Variants in ATRNL1 observed in about 807,000 individuals in gnomAD.
ATRNL1 encodes attractin-like protein 1.
A neutral mutation model predicts 182.7 loss-of-function variants in ATRNL1; 95 were observed. The observed-to-expected ratio is 0.52, with a 90% CI of 0.44 to 0.62. The LOEUF (loss-of-function observed/expected upper bound fraction) is 0.62, where lower values mean the gene tolerates loss of function less well. Among genes scored for constraint, ATRNL1 ranks in the 20% least tolerant of loss-of-function variants. ATRNL1 has a pLI of 0.00. For missense variants in ATRNL1, 1,471 were observed against 1,679.5 expected, an observed-to-expected ratio of 0.88 and a Z score of 2.17; for synonymous variants, 576 against 568.3, an observed-to-expected ratio of 1.01 and a Z score of -0.19.
chr10:115,889,039 T>G (rs1281875959), intron 28 of ATRNL1, among the ~76,000 whole-genome samples: 2 of 152,184 alleles, frequency 1.3e-5, no homozygotes, highest in Non-Finnish European at 2.9e-5. Flanking sequence ...TGTAGTAAAC[T>G]CTTGAAAGAG....
chr10:115,275,334 TG>T (rs1852056874), intron 13 of ATRNL1, among the ~76,000 whole-genome samples: 1 of 152,216 alleles, frequency 6.6e-6, no homozygotes, highest in Non-Finnish European at 1.5e-5. Context: ...AGTGATGTTT[TG>T]GGTCTCCTGG....
Position 115,946,717 on chromosome 10 carries a change from T to G in ATRNL1, c.*1938T>G, listed in dbSNP as rs1329461916. The G allele has an allele frequency of 6.6e-6, 1 of 152,162 alleles. No homozygotes were observed. The highest frequency in any genetic ancestry group is 2.4e-5 in the African/African-American group (1 of 41,450). The allele number at this position is 152,162 out of a possible 1,614,324, so 9.4% of individuals were successfully genotyped here. ...CCTAAAAACAATCAAGTAATTTTATTAGCTTCTTTTGGACCCTCTAAATAT... is the reference window on the plus strand; with the variant it reads ...CCTAAAAACAATCAAGTAATTTTATGAGCTTCTTTTGGACCCTCTAAATAT... On this transcript the variant is annotated 3_prime_UTR_variant, in exon 29 of 29. Coordinates refer to ENST00000355044, the MANE Select transcript of ATRNL1 (RefSeq NM_207303.4).
intron 19 of ATRNL1, among the ~76,000 whole-genome samples, chr10:115,383,356 T>C (rs570778507): frequency 4.2e-4 from 64 of 152,072 alleles, no homozygotes; most frequent in Non-Finnish European, 8.1e-4. Context: ...AAATGATAAT[T>C]ATGACCGGGT....
At chr10:115,409,935 G>A (rs782705045) in intron 20 of ATRNL1, among the ~76,000 whole-genome samples, 2 of 152,094 alleles carry the variant, frequency 1.3e-5, no homozygotes, top group Non-Finnish European at 2.9e-5. Context: ...TTATCATGGA[G>A]AGATGTTGAA....
chr10:115,345,160 G>A (rs1253567478), intron 19 of ATRNL1, among the ~76,000 whole-genome samples: 1 of 152,224 alleles, frequency 6.6e-6, no homozygotes, highest in African/African-American at 2.4e-5. Context: ...GCCCAGTTCA[G>A]CACTAGGACT....
chr10:115,121,664 T>A, intron 2 of ATRNL1, 35 bp from the exon 3 acceptor site: 1 of 988,700 alleles, frequency 1.0e-6, no homozygotes, highest in Non-Finnish European at 1.5e-6. Context: ...GCTTTGTATA[T>A]TTTAATTTGA....
intron 27 of ATRNL1, among the ~76,000 whole-genome samples, chr10:115,748,261 G>T (rs1948349744): frequency 6.6e-6 from 1 of 151,634 alleles, no homozygotes; most frequent in South Asian, 2.1e-4. Context: ...AAGCTTCCAG[G>T]CTGTTTTATA....
At chr10:115,169,209 T>C (rs1444749035) in intron 7 of ATRNL1, among the ~76,000 whole-genome samples, 14 of 147,878 alleles carry the variant, frequency 9.5e-5, no homozygotes, top group African/African-American at 3.4e-4. Context: ...TTGATTACTT[T>C]TTTTTTTTTT....
chr10:115,177,349 T>C (rs1424494643), intron 8 of ATRNL1, among the ~76,000 whole-genome samples: 1 of 152,126 alleles, frequency 6.6e-6, no homozygotes, highest in African/African-American at 2.4e-5. Flanking sequence ...TTCAAGGAAA[T>C]GTGTTTGAAA....
rs67676674 is a variant in ATRNL1, at chr10:115,868,822, C to CTTTTTTTTTTTTTTTTTTTT, written c.4018+20837_4018+20856dup. ...ATATATCTGGTGGCAAGTCTTTATT[C>CTTTTTTTTTTTTTTTTTTTT]TTTTTTTTTTTTTTTTTTTTTTTTT... On this transcript the variant is annotated intron_variant, in intron 28 of 28. Transcript: ENST00000355044. Among the ~76,000 whole-genome samples, 200 of 58,090 alleles carry CTTTTTTTTTTTTTTTTTTTT rather than the reference C, an allele frequency of 3.4e-3. 41 individuals are homozygous for CTTTTTTTTTTTTTTTTTTTT. The highest frequency in any genetic ancestry group is 0.019 in the Middle Eastern group (1 of 54). 38.1% of individuals were successfully genotyped at this position (58,090 alleles called of 152,430 possible).
At chr10:115,535,884 G>A (rs954869547) in intron 25 of ATRNL1, among the ~76,000 whole-genome samples, 1 of 151,944 alleles carries the variant, frequency 6.6e-6, no homozygotes, top group Non-Finnish European at 1.5e-5. Flanking sequence ...TCCAGACCCT[G>A]TTTGCCTGGG....
rs537135246 is a variant in ATRNL1 at position 115,326,422 on chromosome 10, G to T, written c.3038-7860G>T. Among the ~76,000 whole-genome samples, 6 of 152,110 alleles carry T rather than the reference G, an allele frequency of 3.9e-5. No individual in the cohort carries two copies. The East Asian group carries it at 1.2e-3, about 29-fold the overall frequency. On this transcript the variant is annotated intron_variant, in intron 18 of 28. Coordinates refer to ENST00000355044, the MANE Select transcript of ATRNL1 (RefSeq NM_207303.4). ...AGGAGAACTACAAACCACTGCTCTA[G>T]GAAATAAAAGAGGATACAAACAAAT...
At chr10:115,843,308 A>G (rs1196061003) in intron 27 of ATRNL1, among the ~76,000 whole-genome samples, 1 of 152,124 alleles carries the variant, frequency 6.6e-6, no homozygotes, top group Admixed American at 6.6e-5. Context: ...CATAGGGGAT[A>G]TAGGGATGAA....
chr10:115,863,373 A>AAT (rs1247103223), intron 28 of ATRNL1, among the ~76,000 whole-genome samples: 11 of 152,300 alleles, frequency 7.2e-5, no homozygotes, highest in South Asian at 2.1e-4. Flanking sequence ...AGCAACCAAA[A>AAT]ATATATATAT....
At chr10:115,527,994 C>T (rs1393145987) in intron 25 of ATRNL1, among the ~76,000 whole-genome samples, 1 of 24,082 alleles carries the variant, frequency 4.2e-5, no homozygotes, top group Non-Finnish European at 7.5e-5. Context: ...CCCTCCCTCC[C>T]TCCCTTCCTT....
chr10:115,714,291 C>T (rs1182327313), intron 26 of ATRNL1, among the ~76,000 whole-genome samples: 1 of 150,902 alleles, frequency 6.6e-6, no homozygotes, highest in African/African-American at 2.4e-5. Context: ...CTCACAGATA[C>T]ATTGAAGGGT....
intron 21 of ATRNL1, among the ~76,000 whole-genome samples, chr10:115,452,966 T>C (rs590713): frequency 0.33 from 50,212 of 151,942 alleles, 8,780 homozygotes; most frequent in African/African-American, 0.43. Context: ...TGGTCAGGCT[T>C]ATTTCACTTA....
intron 25 of ATRNL1, among the ~76,000 whole-genome samples, chr10:115,537,747 A>T (rs1554990944): frequency 1.3e-5 from 2 of 152,056 alleles, no homozygotes; most frequent in Non-Finnish European, 2.9e-5. Context: ...ATTTCTGTGC[A>T]GTAAAATTCC....
intron 23 of ATRNL1, among the ~76,000 whole-genome samples, chr10:115,467,477 A>G (rs1848108868): frequency 6.6e-6 from 1 of 150,950 alleles, no homozygotes; most frequent in Non-Finnish European, 1.5e-5. Flanking sequence ...CAAATATTAT[A>G]CACTAAATTA....
Sources: gnomAD v4.1 joint callset for allele counts (sites outside exome capture counted in the v4.1 genomes callset) on GRCh38, gnomAD v4.1.1 for gene constraint, MANE v1.5 for transcripts, NCBI Gene and HGNC (gene_info 2026-07-23, HGNC 2026-07-21) for gene names.